Variants in PCDH15 observed in about 807,000 individuals in gnomAD.
The protein encoded by PCDH15 is protocadherin related 15, also known as protocadherin-15.
PCDH15 carries 129 observed loss-of-function variants against 178.5 expected under a neutral mutation model. The ratio of observed to expected loss-of-function variants is 0.72; its 90% CI spans 0.63 to 0.84. The LOEUF is 0.84. PCDH15 is among the 40% of genes least tolerant of loss of function. PCDH15 has a pLI of 0.00. For missense variants in PCDH15, 2,230 were observed against 2,099.9 expected, an observed-to-expected ratio of 1.06 and a Z score of -1.21; for synonymous variants, 800 against 732.0, an observed-to-expected ratio of 1.09 and a Z score of -1.50.
At chr10:55,584,310 T>C (rs189213007) in intron 2 of PCDH15, among the ~76,000 whole-genome samples, 1 of 151,392 alleles carries the variant, frequency 6.6e-6, no homozygotes, top group Admixed American at 6.6e-5. Flanking sequence ...CTAAATAGTA[T>C]ATGTAAAAAA....
chr10:54,451,511 T>G (rs2076478194), intron 3 of PCDH15, among the ~76,000 whole-genome samples: 1 of 151,932 alleles, frequency 6.6e-6, no homozygotes, highest in South Asian at 2.1e-4. Context: ...AAAAATTATT[T>G]TGTCATTTTC....
At chr10:54,426,421 TATG>T (rs1289480059) in intron 3 of PCDH15, among the ~76,000 whole-genome samples, 1 of 152,150 alleles carries the variant, frequency 6.6e-6, no homozygotes, top group African/African-American at 2.4e-5. Context: ...CTGGTGCTTC[TATG>T]ATAATCAAAT....
chr10:53,830,267 A>C (rs996343622), intron 30 of PCDH15, among the ~76,000 whole-genome samples: 1 of 150,954 alleles, frequency 6.6e-6, no homozygotes. Context: ...ACACCACTGC[A>C]CTCCAGCCTG....
intron 22 of PCDH15, among the ~76,000 whole-genome samples, chr10:53,961,521 A>T (rs979453555): frequency 6.6e-6 from 1 of 152,062 alleles, no homozygotes; most frequent in African/African-American, 2.4e-5. Context: ...ATGAAATGTC[A>T]TCATGAGGAT....
chr10:54,170,229 G>C (rs1008972429), intron 13 of PCDH15, among the ~76,000 whole-genome samples: 1 of 146,298 alleles, frequency 6.8e-6, no homozygotes, highest in Non-Finnish European at 1.5e-5. Context: ...CCTGCCAATC[G>C]TGTCCGACTG....
At chr10:55,368,598 T>C (rs1439205060) in intron 2 of PCDH15, among the ~76,000 whole-genome samples, 1 of 152,132 alleles carries the variant, frequency 6.6e-6, no homozygotes, top group Non-Finnish European at 1.5e-5. Flanking sequence ...TAGAGTTACT[T>C]GCCATTATTT....
At chr10:54,466,154 A>T (rs528506820) in intron 3 of PCDH15, among the ~76,000 whole-genome samples, 1 of 151,852 alleles carries the variant, frequency 6.6e-6, no homozygotes, top group South Asian at 2.1e-4. Context: ...AGTTCTACAG[A>T]TTGTTTCTTT....
chr10:54,987,513 C>T (rs1396010486), intron 2 of PCDH15, among the ~76,000 whole-genome samples: 1 of 152,176 alleles, frequency 6.6e-6, no homozygotes, highest in Non-Finnish European at 1.5e-5. Flanking sequence ...TCTCCACAGC[C>T]TCACCAGCAT....
chr10:55,018,843 C>G (rs1202724865), intron 2 of PCDH15, among the ~76,000 whole-genome samples: 1 of 152,046 alleles, frequency 6.6e-6, no homozygotes, highest in Non-Finnish European at 1.5e-5. Context: ...TGTTAGCACA[C>G]TGATAAAATA....
intron 8 of PCDH15, among the ~76,000 whole-genome samples, chr10:54,299,268 A>G (rs375484584): frequency 6.6e-6 from 1 of 152,218 alleles, no homozygotes. Flanking sequence ...GAAGAGACAG[A>G]GAGACAGAGA....
At chr10:54,318,306 T>G (rs1179653979) in intron 7 of PCDH15, among the ~76,000 whole-genome samples, 1 of 152,160 alleles carries the variant, frequency 6.6e-6, no homozygotes, top group Non-Finnish European at 1.5e-5. Context: ...GGAATGCCAA[T>G]TAGTAAACAC....
At chr10:54,044,237 T>C (rs2093611588) in intron 18 of PCDH15, among the ~76,000 whole-genome samples, 2 of 152,190 alleles carry the variant, frequency 1.3e-5, no homozygotes, top group East Asian at 3.9e-4. Context: ...ACTGCTGGAT[T>C]ATTCCCCAAA....
At chr10:54,752,857 G>A (rs1305425241) in intron 1 of PCDH15, among the ~76,000 whole-genome samples, 2 of 152,054 alleles carry the variant, frequency 1.3e-5, no homozygotes, top group Admixed American at 6.6e-5. Flanking sequence ...GCATAGTGTG[G>A]CCATCTAAAA....
At chr10:54,066,435 G>A (rs889935503) in intron 18 of PCDH15, among the ~76,000 whole-genome samples, 1 of 152,070 alleles carries the variant, frequency 6.6e-6, no homozygotes, top group Non-Finnish European at 1.5e-5. Flanking sequence ...AGGTCTAAAT[G>A]TCCACATCCA....
chr10:54,325,698 G>A (rs1218269670), intron 7 of PCDH15, among the ~76,000 whole-genome samples: 1 of 152,046 alleles, frequency 6.6e-6, no homozygotes, highest in African/African-American at 2.4e-5. Context: ...GCAGTAAGCT[G>A]AGATCATGCC....
At chr10:54,334,244 G>A (rs1419196555) in intron 6 of PCDH15, among the ~76,000 whole-genome samples, 1 of 152,114 alleles carries the variant, frequency 6.6e-6, no homozygotes, top group Non-Finnish European at 1.5e-5. Flanking sequence ...TAAAATAAGG[G>A]CATAAGGCAG....
intron 2 of PCDH15, among the ~76,000 whole-genome samples, chr10:55,341,750 T>C (rs946905021): frequency 7.6e-6 from 1 of 132,102 alleles, no homozygotes; most frequent in Non-Finnish European, 1.6e-5. Flanking sequence ...TTTTTGTATA[T>C]ACATACATAT....
intron 2 of PCDH15, among the ~76,000 whole-genome samples, chr10:55,584,822 T>G (rs147804864): frequency 4.0e-4 from 60 of 151,692 alleles, no homozygotes; most frequent in African/African-American, 1.4e-3. Flanking sequence ...ATTTTAAACT[T>G]GGTAAAATGT....
chr10:55,111,514 G>A (rs1480824758), intron 2 of PCDH15, among the ~76,000 whole-genome samples: 1 of 151,778 alleles, frequency 6.6e-6, no homozygotes, highest in Non-Finnish European at 1.5e-5. Flanking sequence ...ACTCAATTGG[G>A]AGTCCAGAGA....
Sources: allele counts gnomAD v4.1 joint callset (sites outside exome capture counted in the v4.1 genomes callset), GRCh38; gene constraint gnomAD v4.1.1; transcripts MANE v1.5; gene names NCBI Gene and HGNC (gene_info 2026-07-23, HGNC 2026-07-21).